The following PIGN variants were observed in gnomAD, a reference collection of about 807,000 sequenced individuals.
PIGN encodes the protein GPI ethanolamine phosphate transferase 1.
PIGN carries 117 observed loss-of-function variants against 125.4 expected under a neutral mutation model. The observed-to-expected ratio is 0.93, with a 90% CI of 0.80 to 1.09. The LOEUF (loss-of-function observed/expected upper bound fraction) is 1.09, where lower values mean the gene tolerates loss of function less well. PIGN is among the 50% of genes least tolerant of loss of function. The pLI, the probability that PIGN is intolerant of heterozygous loss-of-function variation, is 0.00. For synonymous variants in PIGN, 392 were observed against 377.8 expected (o/e 1.04, Z -0.44); for missense variants, 1,075 against 1,094.9 (o/e 0.98, Z 0.26).
chr18:62,167,684 C>G (rs2037199934), intron 1 of PIGN, among the ~76,000 whole-genome samples: 1 of 137,876 alleles, frequency 7.3e-6, no homozygotes, highest in Non-Finnish European at 1.6e-5. Context: ...AACACACTCT[C>G]TCTCTCTCTC....
At chr18:62,071,677 A>G (rs1414258321) in intron 30 of PIGN, among the ~76,000 whole-genome samples, 1 of 151,782 alleles carries the variant, frequency 6.6e-6, no homozygotes, top group African/African-American at 2.4e-5. Context: ...AGCACAAAGC[A>G]TTACTCTCGC....
chr18:62,120,654 G>C (rs746746287), intron 14 of PIGN, among the ~76,000 whole-genome samples: 47 of 151,878 alleles, frequency 3.1e-4, no homozygotes, highest in Non-Finnish European at 5.4e-4. Flanking sequence ...CTAATAATGT[G>C]CCCAAAATGC....
At chr18:62,146,062 A>G (rs775462572) in intron 9 of PIGN, 37 bp from the exon 10 acceptor site, 4 of 889,946 alleles carry the variant, frequency 4.5e-6, no homozygotes, top group Non-Finnish European at 6.9e-6. Context: ...AGACAAATAT[A>G]GAAGAACTAA....
At chr18:62,049,412 G>A (rs1397751304) in intron 30 of PIGN, among the ~76,000 whole-genome samples, 7 of 150,202 alleles carry the variant, frequency 4.7e-5, no homozygotes, top group Non-Finnish European at 6.0e-5. Flanking sequence ...GTGTGAGATG[G>A]TATCTCATTG....
chr18:62,093,783 C>T (rs1025213917), intron 23 of PIGN, among the ~76,000 whole-genome samples: 13 of 152,006 alleles, frequency 8.6e-5, no homozygotes, highest in South Asian at 2.1e-4. Flanking sequence ...CACTAATTTA[C>T]GTAGAGAACC....
intron 14 of PIGN, among the ~76,000 whole-genome samples, chr18:62,126,449 T>G (rs1256474368): frequency 6.6e-6 from 1 of 152,156 alleles, no homozygotes; most frequent in East Asian, 1.9e-4. Flanking sequence ...AAAGAACTAG[T>G]GTAAACTATG....
chr18:62,140,831 C>T (rs75218564), intron 11 of PIGN, among the ~76,000 whole-genome samples: 10,172 of 152,116 alleles, frequency 0.067, 633 homozygotes, highest in African/African-American at 0.16. Flanking sequence ...CAAGAGTAGA[C>T]TTTAACTGGA....
intron 4 of PIGN, among the ~76,000 whole-genome samples, chr18:62,158,584 G>A (rs1417558829): frequency 2.6e-5 from 4 of 152,210 alleles, no homozygotes; most frequent in African/African-American, 9.6e-5. Flanking sequence ...ACTACAAGTG[G>A]TGCTATTATA....
At chr18:62,054,772 C>A (rs968813784) in intron 30 of PIGN, among the ~76,000 whole-genome samples, 1 of 152,056 alleles carries the variant, frequency 6.6e-6, no homozygotes, top group African/African-American at 2.4e-5. Context: ...GGATTACAGG[C>A]ATGAGCCACT....
intron 4 of PIGN, among the ~76,000 whole-genome samples, chr18:62,159,055 T>G (rs931448647): frequency 1.3e-5 from 2 of 152,206 alleles, no homozygotes; most frequent in Non-Finnish European, 2.9e-5. Flanking sequence ...ACCAGCCTGG[T>G]CAACATGGTG....
chr18:62,156,338 A>T (rs1438384591), intron 6 of PIGN, among the ~76,000 whole-genome samples: 2 of 150,586 alleles, frequency 1.3e-5, no homozygotes, highest in Non-Finnish European at 3.0e-5. Flanking sequence ...ACACTTAAAT[A>T]TTTTTTTTGA....
intron 19 of PIGN, among the ~76,000 whole-genome samples, chr18:62,106,339 A>T (rs1320580867): frequency 6.6e-6 from 1 of 151,902 alleles, no homozygotes; most frequent in East Asian, 1.9e-4. Flanking sequence ...ATCAAGACTG[A>T]CTATATTTTT....
chr18:62,037,215 C>T (rs575464857), downstream of PIGN, among the ~76,000 whole-genome samples: 1 of 152,320 alleles, frequency 6.6e-6, no homozygotes, highest in South Asian at 2.1e-4. Context: ...TTGTATACCC[C>T]TAAGGGAGTC....
chr18:62,038,005 G>C (rs1280309229), downstream of PIGN, among the ~76,000 whole-genome samples: 2 of 152,192 alleles, frequency 1.3e-5, no homozygotes. Flanking sequence ...GAATGAACAT[G>C]TAAGAGTTCT....
At chr18:62,114,745 CA>C (rs1198486597) in intron 14 of PIGN, 106 bp from the exon 15 acceptor site, 4 of 512,542 alleles carry the variant, frequency 7.8e-6, no homozygotes, top group Non-Finnish European at 1.3e-5. Flanking sequence ...TACAAAACAG[CA>C]AACAAAACAA....
intron 20 of PIGN, chr18:62,103,727 A>C (rs1018027585): frequency 1.3e-5 from 2 of 152,198 alleles, no homozygotes; most frequent in Admixed American, 6.5e-5. Context: ...ACCTAAGAAG[A>C]ATGCAAAGCA....
chr18:62,023,057 A>T (rs1016143516), intron 23 of PIGN, among the ~76,000 whole-genome samples: 1 of 150,748 alleles, frequency 6.6e-6, no homozygotes, highest in African/African-American at 2.4e-5. Context: ...AAAAGATGCA[A>T]TTTTTTTTTT....
rs1311403924 is a variant in PIGN at position 62,072,711 on chromosome 18, C to G, written c.2634G>C (p.Leu878Phe). Residue 878 changes from leucine (L) to phenylalanine (F), a missense_variant, in exon 30 of 31, where the codon TTG becomes TTC. By Grantham distance (22) the Leu-to-Phe change is conservative. This residue lies in a region of PIGN where 915 missense variants were observed against 908.7 expected (regional missense o/e 1.01). Transcript: ENST00000640252. ...SDIMALHFFF[L>F]VKDYGSWLDI... The stretch of plus-strand genomic sequence containing the variant: ...CAAGCCAGCTGCCATAATCCTTGAC[C>G]AAGAAGAAAAAATGCTGTAAAAAAA... 3.8e-6 allele frequency: 6 copies of G among 1,559,996 alleles called. No individual in the cohort carries two copies. Among genetic ancestry groups the G allele is most frequent in the Non-Finnish European group, 4.3e-6 (5 of 1,157,910 alleles).
chr18:62,059,191 A>C (rs1029776720), intron 30 of PIGN: 2 of 145,034 alleles, frequency 1.4e-5, no homozygotes, highest in Non-Finnish European at 2.9e-5. Flanking sequence ...AAAAAAAAAA[A>C]AAAAAAACAC....
Sources: allele counts gnomAD v4.1 joint callset (sites outside exome capture counted in the v4.1 genomes callset), GRCh38; gene constraint gnomAD v4.1.1; regional missense constraint gnomAD v4.1.1; transcripts MANE v1.5; gene names NCBI Gene and HGNC (gene_info 2026-07-23, HGNC 2026-07-21).